ESRRG: variants seen among roughly 807,000 people sequenced by gnomAD.
The protein encoded by ESRRG is estrogen related receptor gamma.
ESRRG carries 13 observed loss-of-function variants against 44.0 expected under a neutral mutation model. The ratio of observed to expected loss-of-function variants is 0.30; its 90% CI spans 0.19 to 0.47. The LOEUF (loss-of-function observed/expected upper bound fraction) is 0.47. Ranked by LOEUF, ESRRG falls within the 20% of genes least tolerant of loss-of-function variation. The probability of loss-of-function intolerance (pLI) is 1.00; values close to 1 mark genes in which losing one functional copy is unlikely to be tolerated. For missense variants in ESRRG, 395 were observed against 580.6 expected (o/e 0.68, Z 3.29); for synonymous variants, 215 against 214.6 (o/e 1.00, Z -0.02).
intron 2 of ESRRG, among the ~76,000 whole-genome samples, chr1:216,818,022 A>G (rs186221752): frequency 1.3e-5 from 2 of 152,262 alleles, no homozygotes; most frequent in Non-Finnish European, 2.9e-5. Flanking sequence ...AAAAGAAAAA[A>G]CTATATACAG....
At chr1:216,768,455 TATC>T (rs2093204990) in intron 2 of ESRRG, among the ~76,000 whole-genome samples, 2 of 79,138 alleles carry the variant, frequency 2.5e-5, no homozygotes, top group African/African-American at 8.3e-5. Context: ...TATCATTATC[TATC>T]TATCTATCTA....
At chr1:216,991,103 T>C (rs78191467) in intron 1 of ESRRG, among the ~76,000 whole-genome samples, 3,725 of 152,086 alleles carry the variant, frequency 0.024, 148 homozygotes, top group African/African-American at 0.084. Context: ...TATGAATTGT[T>C]CATGCAAGGG....
chr1:217,013,552 C>A (rs2078934242), intron 1 of ESRRG, among the ~76,000 whole-genome samples: 1 of 152,130 alleles, frequency 6.6e-6, no homozygotes, highest in African/African-American at 2.4e-5. Context: ...CTTTAAATGC[C>A]TCTCTGCCAG....
At chr1:216,621,188 C>T (rs2062174978) in intron 3 of ESRRG, among the ~76,000 whole-genome samples, 1 of 152,180 alleles carries the variant, frequency 6.6e-6, no homozygotes, top group African/African-American at 2.4e-5. Flanking sequence ...AAGTACTAAC[C>T]TTGACCTACC....
chr1:217,121,325 C>T (rs536510753), intron 1 of ESRRG, among the ~76,000 whole-genome samples: 8 of 152,258 alleles, frequency 5.3e-5, no homozygotes, highest in African/African-American at 1.9e-4. Context: ...AACTTTTGTG[C>T]TCTGCAAAGC....
At chr1:216,723,178 A>G in intron 1 of ESRRG, 66 bp downstream of exon 1, 3 of 1,273,558 alleles carry the variant, frequency 2.4e-6, no homozygotes, top group East Asian at 2.3e-5. Context: ...GTAAAGATAT[A>G]GTCTGTCCGC....
At chr1:217,063,359 A>C (rs907309159) in intron 1 of ESRRG, among the ~76,000 whole-genome samples, 1 of 152,206 alleles carries the variant, frequency 6.6e-6, no homozygotes, top group Non-Finnish European at 1.5e-5. Flanking sequence ...CAGATAATTA[A>C]GTTAGTGCAG....
intron 1 of ESRRG, among the ~76,000 whole-genome samples, chr1:216,963,358 G>C (rs936420304): frequency 3.9e-5 from 6 of 152,152 alleles, no homozygotes; most frequent in African/African-American, 1.4e-4. Flanking sequence ...ATCTTGCTTA[G>C]AGGTAAAATC....
intron 1 of ESRRG, among the ~76,000 whole-genome samples, chr1:217,119,148 T>G (rs1208539989): frequency 6.6e-6 from 1 of 152,302 alleles, no homozygotes. Flanking sequence ...CTTATGCCAA[T>G]TTGGGTTAAT....
intron 2 of ESRRG, among the ~76,000 whole-genome samples, chr1:216,898,206 C>T (rs2058648194): frequency 6.6e-6 from 1 of 152,182 alleles, no homozygotes; most frequent in Non-Finnish European, 1.5e-5. Context: ...TGAATTTCTC[C>T]ACTCAATTTA....
At chr1:216,982,365 G>C (rs2074108794) in intron 1 of ESRRG, among the ~76,000 whole-genome samples, 1 of 152,160 alleles carries the variant, frequency 6.6e-6, no homozygotes, top group Non-Finnish European at 1.5e-5. Context: ...GATGGGCAAT[G>C]ATAGGCCATC....
chr1:216,721,532 C>A (rs1275507137), intron 1 of ESRRG, among the ~76,000 whole-genome samples: 1 of 152,160 alleles, frequency 6.6e-6, no homozygotes, highest in East Asian at 1.9e-4. Flanking sequence ...TTGAATCTTG[C>A]GCCAAAGCCA....
At chr1:216,802,529 A>T (rs2094655691) in intron 2 of ESRRG, among the ~76,000 whole-genome samples, 1 of 152,174 alleles carries the variant, frequency 6.6e-6, no homozygotes, top group South Asian at 2.1e-4. Flanking sequence ...CCCAGTGCAA[A>T]GTGAAAATAT....
intron 2 of ESRRG, among the ~76,000 whole-genome samples, chr1:216,745,642 T>C (rs1365830991): frequency 1.3e-5 from 2 of 152,296 alleles, no homozygotes; most frequent in African/African-American, 2.4e-5. Context: ...GTGTATTCAA[T>C]GCAGGCTGGT....
chr1:216,580,273 A>G (rs550438865), intron 3 of ESRRG, among the ~76,000 whole-genome samples: 279 of 152,326 alleles, frequency 1.8e-3, no homozygotes, highest in African/African-American at 6.6e-3. Flanking sequence ...ACAGACAAAT[A>G]TGAACCTCTT....
rs149112578 is a variant in ESRRG at position 216,704,065 on chromosome 1, A to G, written c.56+19179T>C. On this transcript the variant is annotated intron_variant, in intron 1 of 6. Transcript: ENST00000408911. ...ATTACTGGTTACCTTTTGAGTTAGC[A>G]ATGTGATTCATTTTCATGTGTGTTC... Among the ~76,000 whole-genome samples the G allele has an allele frequency of 1.4e-4, 22 of 152,304 alleles. No individual in the cohort carries two copies. The East Asian group carries it at 4.2e-3, about 29-fold the overall frequency.
At chr1:216,701,974 T>G (rs1283353955) in intron 1 of ESRRG, among the ~76,000 whole-genome samples, 1 of 152,226 alleles carries the variant, frequency 6.6e-6, no homozygotes, top group Non-Finnish European at 1.5e-5. Context: ...TTGAAATATA[T>G]ATTACAAAAA....
chr1:216,899,209 CTT>C (rs1449275409), intron 2 of ESRRG, among the ~76,000 whole-genome samples: 2 of 152,142 alleles, frequency 1.3e-5, no homozygotes, highest in Non-Finnish European at 2.9e-5. Context: ...GACACCTGGA[CTT>C]TGTTTCTGTA....
intron 1 of ESRRG, among the ~76,000 whole-genome samples, chr1:216,978,120 A>C (rs923415804): frequency 6.6e-6 from 1 of 152,206 alleles, no homozygotes; most frequent in African/African-American, 2.4e-5. Context: ...ACATGGAAGA[A>C]TGGGGAAACT....
Sources: allele counts gnomAD v4.1 joint callset (sites outside exome capture counted in the v4.1 genomes callset), GRCh38; gene constraint gnomAD v4.1.1; transcripts MANE v1.5; gene names NCBI Gene and HGNC (gene_info 2026-07-23, HGNC 2026-07-21).